ADAMTS18: variants seen among roughly 807,000 people sequenced by gnomAD.
The protein encoded by ADAMTS18 is A disintegrin and metalloproteinase with thrombospondin motifs 18.
Under a neutral mutation model 165.9 loss-of-function variants are expected in ADAMTS18, and 157 were observed. That is an observed-to-expected ratio of 0.95 (90% confidence interval 0.83 to 1.08). The LOEUF is 1.08. Among genes scored for constraint, ADAMTS18 ranks in the 50% least tolerant of loss-of-function variants. ADAMTS18 has a pLI of 0.00. For synonymous variants in ADAMTS18, 782 were observed against 578.2 expected, an observed-to-expected ratio of 1.35 and a Z score of -5.06; for missense variants, 2,040 against 1,534.0, an observed-to-expected ratio of 1.33 and a Z score of -5.51.
intron 20 of ADAMTS18, among the ~76,000 whole-genome samples, chr16:77,292,175 G>A (rs1469971733): frequency 6.6e-6 from 1 of 152,080 alleles, no homozygotes; most frequent in Admixed American, 6.5e-5. Context: ...AATTAGCCAG[G>A]TATAGTGGTG....
intron 8 of ADAMTS18, among the ~76,000 whole-genome samples, chr16:77,356,447 G>A (rs2056631581): frequency 6.6e-6 from 1 of 152,108 alleles, no homozygotes; most frequent in Admixed American, 6.6e-5. Flanking sequence ...ACCAACCACG[G>A]AACTATGGTA....
At chr16:77,294,882 T>G (rs757976342) in intron 19 of ADAMTS18, 41 bp downstream of exon 19, 4 of 1,601,602 alleles carry the variant, frequency 2.5e-6, no homozygotes, top group Non-Finnish European at 2.6e-6. Context: ...TTTGCCTTCA[T>G]GGGGACCGAG....
chr16:77,315,832 A>G (rs2055876938), intron 16 of ADAMTS18, among the ~76,000 whole-genome samples: 1 of 152,260 alleles, frequency 6.6e-6, no homozygotes, highest in African/African-American at 2.4e-5. Flanking sequence ...TATTCATTCC[A>G]AGGCTTTTTT....
intron 13 of ADAMTS18, among the ~76,000 whole-genome samples, chr16:77,325,117 A>C (rs1334778800): frequency 6.6e-6 from 1 of 152,190 alleles, no homozygotes; most frequent in African/African-American, 2.4e-5. Context: ...ATTGTCATTA[A>C]ACTTAGTCTC....
rs148588314 is a variant in ADAMTS18, at chr16:77,289,314, G to C, written c.3500C>G (p.Pro1167Arg). Residue 1167 changes from proline (P) to arginine (R), a missense_variant, in exon 22 of 23, where the codon CCG becomes CGG. Transcript: ENST00000282849. ...SSSCLLHQKP[P>R]VLRACNTNFC... ...GTTTGTATTACAGGCTCGTAGCACC[G>C]GAGGTTTCTGATGGAGCAGACAACT... 4 of 1,613,988 alleles carry C rather than the reference G, an allele frequency of 2.5e-6. No homozygotes were observed. The African/African-American group carries it at 4.0e-5, about 16-fold the overall frequency.
At chr16:77,422,188 T>C (rs939460711) in intron 3 of ADAMTS18, among the ~76,000 whole-genome samples, 1 of 152,040 alleles carries the variant, frequency 6.6e-6, no homozygotes, top group African/African-American at 2.4e-5. Context: ...CTTGTTTGGA[T>C]ACAGAGACAA....
intron 16 of ADAMTS18, among the ~76,000 whole-genome samples, chr16:77,304,338 T>C (rs1299108347): frequency 6.6e-6 from 1 of 152,114 alleles, no homozygotes; most frequent in Non-Finnish European, 1.5e-5. Context: ...AGTGTGTGCC[T>C]ATAGTCCCAG....
At chr16:77,354,107 T>G (rs531290646) in intron 9 of ADAMTS18, among the ~76,000 whole-genome samples, 3 of 152,264 alleles carry the variant, frequency 2.0e-5, no homozygotes, top group Non-Finnish European at 4.4e-5. Context: ...TGCTGAAAAT[T>G]CTAGTCATCC....
chr16:77,359,244 A>G, intron 8 of ADAMTS18, 74 bp downstream of exon 8: 3 of 1,313,908 alleles, frequency 2.3e-6, no homozygotes, highest in Non-Finnish European at 3.2e-6. Context: ...TAAGTCAACA[A>G]CAACGGTTAG....
rs1416331601 is a variant in ADAMTS18, at chr16:77,335,660, T to TA, written c.1859+95dup. On this transcript the variant is annotated intron_variant, in intron 12 of 22. Transcript: ENST00000282849. ...ATTATGTAGCCATAATAATTAAAAA[T>TA]AAAAAAATAAACTTAAAGTATGAAC... 9.6e-6 allele frequency: 14 copies of TA among 1,459,342 alleles called. No individual in the cohort carries two copies. In the Admixed American group the frequency reaches 1.2e-4, roughly 12 times the overall value. 90.4% of individuals were successfully genotyped at this position (1,459,342 alleles called of 1,614,324 possible). A position where few individuals can be genotyped will look rare whatever the true frequency, so the allele number is the denominator to read the frequency against.
At chr16:77,325,387 T>G (rs558642022) in intron 13 of ADAMTS18, among the ~76,000 whole-genome samples, 56 of 152,322 alleles carry the variant, frequency 3.7e-4, no homozygotes, top group African/African-American at 1.2e-3. Flanking sequence ...GAACCTAGTA[T>G]AATTTTTATT....
rs745558999 is a variant in ADAMTS18, at chr16:77,355,961, T to G, written c.1439A>C (p.Gln480Pro). 1 of 1,614,096 alleles carries G rather than the reference T, an allele frequency of 6.2e-7. No homozygotes were observed. The highest frequency in any genetic ancestry group is 8.5e-7 in the Non-Finnish European group (1 of 1,179,958). Residue 480 changes from glutamine (Q) to proline (P), a missense_variant, in exon 9 of 23, where the codon CAG (glutamine) becomes CCG (proline). Physicochemically the swap from Gln to Pro is moderately conservative, Grantham distance 76. Transcript: ENST00000282849. ...ATACCTGAGGAATTTCTTGAGATAC[T>G]GGCGGCTGCAGGAAGACCATGAAAA... ...GVFSWSSCSR[Q>P]YLKKFLSTPQ...
chr16:77,367,821 G>A (rs2056821214), intron 3 of ADAMTS18, 98 bp from the exon 4 acceptor site: 19 of 1,383,956 alleles, frequency 1.4e-5, no homozygotes, highest in Middle Eastern at 1.8e-4. Flanking sequence ...CCTGTATGTG[G>A]GCACAGGAGC....
chr16:77,290,034 T>A (rs771476884), intron 21 of ADAMTS18, among the ~76,000 whole-genome samples: 6 of 152,106 alleles, frequency 3.9e-5, no homozygotes, highest in Non-Finnish European at 8.8e-5. Flanking sequence ...CAGGGAAAAA[T>A]GTAGCCCTTT....
intron 21 of ADAMTS18, chr16:77,290,759 G>A (rs1043525887): frequency 3.3e-4 from 56 of 169,102 alleles, no homozygotes; most frequent in African/African-American, 1.2e-3. Flanking sequence ...GTTTAAAAGC[G>A]AAGTATCCTT....
chr16:77,334,468 G>T (rs1466665297), intron 12 of ADAMTS18, among the ~76,000 whole-genome samples: 32 of 108,636 alleles, frequency 2.9e-4, no homozygotes, highest in Admixed American at 4.7e-4. Flanking sequence ...TATATATACT[G>T]TATATTATAG....
chr16:77,314,646 T>TGC (rs2055848277), intron 16 of ADAMTS18, among the ~76,000 whole-genome samples: 1 of 121,938 alleles, frequency 8.2e-6, no homozygotes, highest in East Asian at 2.0e-4. Context: ...TGTGTGTGTG[T>TGC]GTGTATATAT....
Position 77,434,514 on chromosome 16 carries a change from GA to G in ADAMTS18, c.91-10del, listed in dbSNP as rs1402988244. 1.3e-6 allele frequency: 2 copies of G among 1,552,872 alleles called. No homozygotes were observed. Among genetic ancestry groups the G allele is most frequent in the East Asian group, 2.4e-5 (1 of 42,234 alleles). On this transcript the variant is annotated splice_polypyrimidine_tract_variant and intron_variant, in intron 1 of 22. Coordinates refer to ENST00000282849, the MANE Select transcript of ADAMTS18 (RefSeq NM_199355.4). ...CAGCACAGCTGGAGCGCCTGCAAGA[GA>G]AAAGGTGACATCGCGCGTGAGGGGC...
intron 4 of ADAMTS18, among the ~76,000 whole-genome samples, chr16:77,366,793 T>C (rs1597179020): frequency 6.6e-6 from 1 of 152,216 alleles, no homozygotes; most frequent in Non-Finnish European, 1.5e-5. Flanking sequence ...GAAAAAATAA[T>C]GTAACTCTCT....
Sources: allele counts gnomAD v4.1 joint callset (sites outside exome capture counted in the v4.1 genomes callset), GRCh38; gene constraint gnomAD v4.1.1; transcripts MANE v1.5; gene names NCBI Gene and HGNC (gene_info 2026-07-23, HGNC 2026-07-21).